Variants in NBAS observed in about 807,000 individuals in gnomAD.
NBAS encodes the protein NAG/BC035112 fusion.
A neutral mutation model predicts 302.5 loss-of-function variants in NBAS; 219 were observed. The observed-to-expected ratio is 0.72, with a 90% CI of 0.65 to 0.81. The LOEUF (loss-of-function observed/expected upper bound fraction) is 0.81, where lower values mean the gene tolerates loss of function less well. Among genes scored for constraint, NBAS ranks in the 30% least tolerant of loss-of-function variants. The probability of loss-of-function intolerance (pLI) is 0.00; values close to 1 mark genes in which losing one functional copy is unlikely to be tolerated. For synonymous variants in NBAS, 1,118 were observed against 1,021.6 expected, an observed-to-expected ratio of 1.09 and a Z score of -1.80; for missense variants, 2,932 against 2,841.6, an observed-to-expected ratio of 1.03 and a Z score of -0.72.
At chr2:15,374,577 G>A in intron 31 of NBAS, 31 bp downstream of exon 31, 1 of 1,543,776 alleles carries the variant, frequency 6.5e-7, no homozygotes, top group Non-Finnish European at 9.0e-7. Flanking sequence ...ATATAAGTTA[G>A]TAACAATGCA....
the NBAS span, among the ~76,000 whole-genome samples, chr2:14,984,182 C>CAAGGAG: frequency 6.6e-6 from 1 of 152,116 alleles, no homozygotes; most frequent in East Asian, 1.9e-4. Flanking sequence ...CACGATGTAC[C>CAAGGAG]TGGTTTTCCT....
intron 41 of NBAS, among the ~76,000 whole-genome samples, chr2:15,289,603 C>G (rs1670210496): frequency 6.6e-6 from 1 of 152,152 alleles, no homozygotes; most frequent in African/African-American, 2.4e-5. Flanking sequence ...ATGTTATACC[C>G]TCTTCACAGT....
chr2:14,857,194 A>G, the NBAS span, among the ~76,000 whole-genome samples: 2 of 152,176 alleles, frequency 1.3e-5, no homozygotes, highest in Non-Finnish European at 2.9e-5. Context: ...AAATGGAAAA[A>G]TAGTCCATGT....
chr2:15,190,471 AC>A, intron 48 of NBAS, 68 bp from the exon 49 acceptor site: 1 of 1,551,746 alleles, frequency 6.4e-7, no homozygotes, highest in Non-Finnish European at 8.8e-7. Flanking sequence ...GAATAATTCT[AC>A]TTTATTTTAA....
At chr2:15,070,668 A>G in the NBAS span, among the ~76,000 whole-genome samples, 1 of 151,982 alleles carries the variant, frequency 6.6e-6, no homozygotes, top group Admixed American at 6.5e-5. Flanking sequence ...ATTCCCTTCC[A>G]TGGAAAATTC....
At position 15,539,296 on chromosome 2, in the gene NBAS, A is replaced by G. The variant is rs1457902045; in HGVS notation, c.440T>C (p.Leu147Pro). 1 of 1,614,242 alleles carries G rather than the reference A, an allele frequency of 6.2e-7. No individual in the cohort carries two copies. Among genetic ancestry groups the G allele is most frequent in the Admixed American group, 1.7e-5 (1 of 60,032 alleles). ...RVAWSYDCTL[L>P]AYAESTGTVR... is the part of the protein sequence containing the mutation. Reference sequence around the variant, plus strand: ...AGTTCCTGTGCTTTCGGCATAGGCCAGTAGGGTACAATCGTAACTCCATGC... The same window carrying G: ...AGTTCCTGTGCTTTCGGCATAGGCCGGTAGGGTACAATCGTAACTCCATGC... Residue 147 changes from leucine (L) to proline (P), a missense_variant, in exon 7 of 52, where the codon CTG becomes CCG. Leu to Pro is a moderately conservative substitution (Grantham distance 98). Coordinates refer to ENST00000281513, the MANE Select transcript of NBAS (RefSeq NM_015909.4).
At chr2:15,467,832 T>A (rs1679790765) in intron 17 of NBAS, 28 bp from the exon 18 acceptor site, 4 of 1,530,132 alleles carry the variant, frequency 2.6e-6, no homozygotes, top group Non-Finnish European at 2.7e-6. Flanking sequence ...CAAATATATT[T>A]TCATCATTTT....
chr2:15,348,935 G>A (rs954973559), intron 35 of NBAS, among the ~76,000 whole-genome samples: 2 of 152,160 alleles, frequency 1.3e-5, no homozygotes, highest in African/African-American at 4.8e-5. Context: ...AGAGAACGGG[G>A]CAATTAAAGG....
chr2:15,276,029 T>C (rs533773486), intron 43 of NBAS, among the ~76,000 whole-genome samples: 158 of 152,316 alleles, frequency 1.0e-3, no homozygotes, highest in African/African-American at 3.6e-3. Flanking sequence ...TGATCCCAGA[T>C]AGGCCATTCA....
At chr2:14,949,975 T>G in the NBAS span, among the ~76,000 whole-genome samples, 1 of 152,166 alleles carries the variant, frequency 6.6e-6, no homozygotes, top group African/African-American at 2.4e-5. Context: ...ACCTAGTGTT[T>G]GATAGATCAA....
intron 47 of NBAS, 28 bp downstream of exon 47, chr2:15,232,394 G>A (rs1572492837): frequency 6.3e-7 from 1 of 1,598,690 alleles, no homozygotes; most frequent in Non-Finnish European, 8.6e-7. Flanking sequence ...GCCAGTTAAT[G>A]AAGATGCACA....
chr2:14,932,793 T>C, the NBAS span, among the ~76,000 whole-genome samples: 1 of 152,230 alleles, frequency 6.6e-6, no homozygotes, highest in Non-Finnish European at 1.5e-5. Context: ...TTTCTCCACC[T>C]CCATTTTTGT....
chr2:15,114,797 G>GT, the NBAS span, among the ~76,000 whole-genome samples: 19 of 152,006 alleles, frequency 1.2e-4, no homozygotes, highest in Non-Finnish European at 2.1e-4. Context: ...CTGCACATTT[G>GT]TTTTTTTGCA....
At chr2:15,527,133 G>C (rs1662949509) in intron 9 of NBAS, among the ~76,000 whole-genome samples, 1 of 147,896 alleles carries the variant, frequency 6.8e-6, no homozygotes, top group African/African-American at 2.5e-5. Flanking sequence ...GGGGTATGAA[G>C]AAGAAAACAA....
the NBAS span, among the ~76,000 whole-genome samples, chr2:14,806,520 C>T: frequency 6.6e-6 from 1 of 152,232 alleles, no homozygotes; most frequent in Non-Finnish European, 1.5e-5. Context: ...CTTTCTGCCA[C>T]ATACCTATTT....
the NBAS span, among the ~76,000 whole-genome samples, chr2:14,997,376 A>G: frequency 6.6e-6 from 1 of 152,154 alleles, no homozygotes; most frequent in African/African-American, 2.4e-5. Flanking sequence ...AGTCTGGCAC[A>G]TGAACTTGGT....
chr2:14,972,639 T>C, the NBAS span, among the ~76,000 whole-genome samples: 1 of 152,212 alleles, frequency 6.6e-6, no homozygotes. Flanking sequence ...CTTTCTAAGG[T>C]CACCAAGTTA....
the NBAS span, among the ~76,000 whole-genome samples, chr2:14,954,331 C>A: frequency 6.6e-6 from 1 of 152,062 alleles, no homozygotes; most frequent in Non-Finnish European, 1.5e-5. Context: ...GATGCCTGCA[C>A]GGGGGAATCA....
the NBAS span, among the ~76,000 whole-genome samples, chr2:15,154,259 G>A: frequency 5.3e-5 from 8 of 152,218 alleles, no homozygotes; most frequent in African/African-American, 1.9e-4. Flanking sequence ...GAAGTTGACA[G>A]ATGGAAATGA....
Sources: gnomAD v4.1 joint callset for allele counts (sites outside exome capture counted in the v4.1 genomes callset) on GRCh38, gnomAD v4.1.1 for gene constraint, MANE v1.5 for transcripts, NCBI Gene and HGNC (gene_info 2026-07-23, HGNC 2026-07-21) for gene names.